Variants in OPRM1 observed in about 807,000 individuals in gnomAD.
OPRM1 encodes opioid receptor mu 1, also known as mu-type opioid receptor.
OPRM1 carries 27 observed loss-of-function variants against 31.8 expected under a neutral mutation model. That is an observed-to-expected ratio of 0.85 (90% CI 0.63 to 1.17). The LOEUF (loss-of-function observed/expected upper bound fraction) is 1.17. Among genes scored for constraint, OPRM1 ranks in the 50% most tolerant of loss-of-function variants. The pLI is 0.00. For synonymous variants in OPRM1, 196 were observed against 189.9 expected, an observed-to-expected ratio of 1.03 and a Z score of -0.26; for missense variants, 536 against 511.1, an observed-to-expected ratio of 1.05 and a Z score of -0.47.
intron 3 of OPRM1, chr6:154,221,180 T>C (rs1288972079): frequency 3.0e-6 from 3 of 1,005,376 alleles, no homozygotes; most frequent in African/African-American, 1.6e-5. Flanking sequence ...TATGGACATA[T>C]GATTAGAATT....
intron 3 of OPRM1, chr6:154,091,831 G>A: frequency 9.9e-7 from 1 of 1,012,220 alleles, no homozygotes; most frequent in Non-Finnish European, 1.2e-6. Context: ...ATTCATAGAT[G>A]TTGCTGCAAT....
At chr6:154,047,839 A>G (rs1781455500) in intron 1 of OPRM1, among the ~76,000 whole-genome samples, 1 of 152,196 alleles carries the variant, frequency 6.6e-6, no homozygotes, top group African/African-American at 2.4e-5. Context: ...CTTACAAACT[A>G]CAGAAATTTA....
Position 154,122,651 on chromosome 6 carries a change from C to T in OPRM1, c.*3930C>T, listed in dbSNP as rs1343007498. 6.6e-6 allele frequency among the ~76,000 whole-genome samples: 1 copy of T among 152,174 alleles called. No individual in the cohort carries two copies. The highest frequency in any genetic ancestry group is 1.5e-5 in the Non-Finnish European group (1 of 68,024). On this transcript the variant is annotated 3_prime_UTR_variant, in exon 4 of 4. Transcript: ENST00000330432. ...AAAGTACAAGGAATTGTGTACATTA[C>T]AAACTGCTCCAGAAACAAAACCAAA...
In OPRM1 at chr6:154,124,640, A is replaced by G. The variant is rs953242466; in HGVS notation, c.*5919A>G. Among the ~76,000 whole-genome samples the G allele has an allele frequency of 3.9e-5, 6 of 152,206 alleles. No homozygotes were observed. Among genetic ancestry groups the G allele is most frequent in the Admixed American group, 2.0e-4 (3 of 15,276 alleles). ...CCATTTGCATCAAAAAGTACTTCATATGCTCGAAACTAAAGTAAAACTTTA... is the reference window on the plus strand; with the variant it reads ...CCATTTGCATCAAAAAGTACTTCATGTGCTCGAAACTAAAGTAAAACTTTA... On this transcript the variant is annotated 3_prime_UTR_variant, in exon 4 of 4. Coordinates refer to ENST00000330432, the MANE Select transcript of OPRM1 (RefSeq NM_000914.5).
At chr6:154,235,994 G>A (rs1419201881) in intron 3 of OPRM1, among the ~76,000 whole-genome samples, 1 of 152,204 alleles carries the variant, frequency 6.6e-6, no homozygotes, top group African/African-American at 2.4e-5. Context: ...AAAATAGCAT[G>A]GTAGCGCCTC....
intron 3 of OPRM1, among the ~76,000 whole-genome samples, chr6:154,227,718 A>G (rs534353469): frequency 6.6e-6 from 1 of 152,100 alleles, no homozygotes; most frequent in Non-Finnish European, 1.5e-5. Context: ...ATGTGTCTCA[A>G]AAAAAAATTA....
At chr6:154,024,256 G>A (rs1778554637) in intron 1 of OPRM1, among the ~76,000 whole-genome samples, 2 of 151,788 alleles carry the variant, frequency 1.3e-5, no homozygotes, top group Admixed American at 1.3e-4. Context: ...TTTCTTCATG[G>A]TTCAATCTTG....
At chr6:154,172,277 T>C (rs911592453) in intron 3 of OPRM1, among the ~76,000 whole-genome samples, 4 of 152,180 alleles carry the variant, frequency 2.6e-5, no homozygotes, top group South Asian at 2.1e-4. Flanking sequence ...GTTCATCTCA[T>C]TGGGACTGGT....
rs9479766 is a variant in OPRM1, at chr6:154,153,341, A to G, written c.1164+61869A>G. Among the ~76,000 whole-genome samples, 1,001 of 152,314 alleles carry G rather than the reference A, an allele frequency of 6.6e-3. 12 individuals carry two copies. Among genetic ancestry groups the G allele is most frequent in the African/African-American group, 0.023 (955 of 41,558 alleles). On this transcript the variant is annotated intron_variant, in intron 3 of 3. Coordinates refer to the OPRM1 transcript ENST00000337049. ...GCTGCAAATCAACTGACCTTCAAAT[A>G]GATTCACCTGGATTATCCAGGTGAG...
At chr6:154,096,283 C>T (rs1200919796) in intron 3 of OPRM1, among the ~76,000 whole-genome samples, 2 of 152,118 alleles carry the variant, frequency 1.3e-5, no homozygotes, top group East Asian at 3.9e-4. Context: ...TGGCCTCAAA[C>T]TCTTGACCCC....
intron 3 of OPRM1, among the ~76,000 whole-genome samples, chr6:154,153,402 G>T (rs767297437): frequency 7.9e-5 from 12 of 152,122 alleles, no homozygotes; most frequent in African/African-American, 2.7e-4. Flanking sequence ...AAAGAGCCCC[G>T]GCCAGGACCG....
At position 154,118,890 on chromosome 6, in the gene OPRM1, C is replaced by G. The variant is rs1583619413; in HGVS notation, c.*169C>G. ...CACTCTGCTCTGCACATTAGAGGGA[C>G]AGCCAAAAGTAAGTGGAGCATTTGG... is the stretch of plus-strand genomic sequence containing the variant. On this transcript the variant is annotated 3_prime_UTR_variant, in exon 4 of 4. Coordinates refer to ENST00000330432, the MANE Select transcript of OPRM1 (RefSeq NM_000914.5). 1.4e-6 allele frequency: 2 copies of G among 1,435,470 alleles called. No homozygotes were observed. 88.9% of individuals were successfully genotyped at this position (1,435,470 alleles called of 1,614,324 possible).
intron 3 of OPRM1, among the ~76,000 whole-genome samples, chr6:154,186,986 GGATCCCT>G: frequency 6.6e-6 from 1 of 152,084 alleles, no homozygotes; most frequent in East Asian, 1.9e-4. Flanking sequence ...CTACATGATG[GGATCCCT>G]GCCCACTTCT....
chr6:154,187,521 A>G (rs139575278), intron 3 of OPRM1, among the ~76,000 whole-genome samples: 1 of 152,360 alleles, frequency 6.6e-6, no homozygotes, highest in East Asian at 1.9e-4. Flanking sequence ...TAGTATTTAC[A>G]TGCTCCTGTT....
intron 1 of OPRM1, among the ~76,000 whole-genome samples, chr6:154,084,348 C>G (rs1252637505): frequency 6.6e-6 from 1 of 152,042 alleles, no homozygotes; most frequent in Non-Finnish European, 1.5e-5. Flanking sequence ...CATGTTAATG[C>G]CAATGAGAGG....
intron 1 of OPRM1, among the ~76,000 whole-genome samples, chr6:154,063,227 A>G (rs1034155349): frequency 6.6e-6 from 1 of 152,038 alleles, no homozygotes; most frequent in Non-Finnish European, 1.5e-5. Context: ...AATAGATACA[A>G]TAATCACGGT....
chr6:154,069,554 G>C (rs1786200187), intron 1 of OPRM1, among the ~76,000 whole-genome samples: 6 of 152,124 alleles, frequency 3.9e-5, no homozygotes, highest in Admixed American at 3.9e-4. Flanking sequence ...GTGCTTTTAA[G>C]GTGATAGCCA....
At chr6:154,211,260 C>CA (rs1404946556) in intron 3 of OPRM1, among the ~76,000 whole-genome samples, 4 of 151,966 alleles carry the variant, frequency 2.6e-5, no homozygotes, top group Admixed American at 2.0e-4. Context: ...ACTAAAAATA[C>CA]AAAAAATTAG....
In OPRM1 at chr6:154,130,334, A is replaced by G. The variant is rs1034418025; in HGVS notation, c.*11613A>G. Among the ~76,000 whole-genome samples the G allele has an allele frequency of 1.3e-5, 2 of 151,836 alleles. No individual in the cohort carries two copies. The highest frequency in any genetic ancestry group is 2.9e-5 in the Non-Finnish European group (2 of 67,974). On this transcript the variant is annotated 3_prime_UTR_variant, in exon 4 of 4. Transcript: ENST00000330432. ...CAGGTGCCCGCCACAACACCTGGCT[A>G]ATTTTTTGTATTTTTAGTAGAGATG...
Sources: gnomAD v4.1 joint callset for allele counts (sites outside exome capture counted in the v4.1 genomes callset) on GRCh38, gnomAD v4.1.1 for gene constraint, MANE v1.5 for transcripts, NCBI Gene and HGNC (gene_info 2026-07-23, HGNC 2026-07-21) for gene names.